SMC2: variants seen among roughly 807,000 people sequenced by gnomAD.
SMC2 encodes the protein structural maintenance of chromosomes 2.
In SMC2, 41 loss-of-function variants were observed where a neutral mutation model predicts 142.6. The ratio of observed to expected loss-of-function variants is 0.29; its 90% CI spans 0.22 to 0.37. The LOEUF is 0.37. Among genes scored for constraint, SMC2 ranks in the 10% least tolerant of loss-of-function variants. The pLI, the probability that SMC2 is intolerant of heterozygous loss-of-function variation, is 1.00. For missense variants in SMC2, 1,265 were observed against 1,373.7 expected (o/e 0.92, Z 1.25); for synonymous variants, 463 against 457.5 (o/e 1.01, Z -0.15).
chr9:104,101,994 T>C lies in SMC2; in HGVS notation c.671T>C (p.Met224Thr), dbSNP rs1442881154. Residue 224 changes from methionine to threonine, a missense_variant, in exon 8 of 25, where the codon ATG becomes ACG. This residue lies in a region of SMC2 where 898 missense variants were observed against 904.2 expected (regional missense o/e 0.99). Transcript: ENST00000374793. Reference protein sequence around the residue: ...RSSYLEYQKVMREIEHLSRLY... With the variant: ...RSSYLEYQKVTREIEHLSRLY... Reference sequence around the variant, plus strand: ...TCCTACTTGGAGTACCAAAAAGTAATGAGAGAAATAGAACATTTGAGTCGT... The same window carrying C: ...TCCTACTTGGAGTACCAAAAAGTAACGAGAGAAATAGAACATTTGAGTCGT... The C allele has an allele frequency of 1.2e-6, 2 of 1,607,502 alleles. No individual in the cohort carries two copies. The highest frequency in any genetic ancestry group is 8.5e-7 in the Non-Finnish European group (1 of 1,177,636).
chr9:104,129,911 A>G, intron 21 of SMC2, 66 bp downstream of exon 21: 6 of 1,147,542 alleles, frequency 5.2e-6, no homozygotes, highest in Non-Finnish European at 7.8e-6. Context: ...GCTCTGTATG[A>G]CCTCTGATGC....
At chr9:104,127,596 C>T in intron 20 of SMC2, 116 bp downstream of exon 20, 1 of 639,078 alleles carries the variant, frequency 1.6e-6, no homozygotes, top group African/African-American at 1.9e-5. Context: ...AAAATTACAG[C>T]CTGGCATAAA....
At chr9:104,131,546 C>CTA (rs1349281765) in intron 21 of SMC2, among the ~76,000 whole-genome samples, 3 of 151,670 alleles carry the variant, frequency 2.0e-5, no homozygotes, top group African/African-American at 7.3e-5. Flanking sequence ...TATGTGGTTC[C>CTA]TATATATCAT....
chr9:104,124,628 T>G (rs1256584971), intron 17 of SMC2, among the ~76,000 whole-genome samples: 1 of 151,096 alleles, frequency 6.6e-6, no homozygotes. Context: ...CTGTGATTTT[T>G]TTTTTTTTAA....
chr9:104,129,715 C>G lies in SMC2; in HGVS notation c.2861C>G (p.Ala954Gly). The G allele has an allele frequency of 1.2e-6, 2 of 1,613,762 alleles. No individual in the cohort carries two copies. The highest frequency in any genetic ancestry group is 1.7e-6 in the Non-Finnish European group (2 of 1,179,814). ...CACCTCTTTGGCCAACCCAATAGTG[C>G]CTATGATTTCAAAACTAACAACCCT... ...ERHLFGQPNS[A>G]YDFKTNNPKE... is the part of the protein sequence containing the mutation. The change falls in exon 21 of 25, where the codon GCC (alanine) becomes GGC (glycine). Residue 954 changes from alanine (A) to glycine (G), a missense_variant. By Grantham distance (60) the Ala-to-Gly change is moderately conservative (BLOSUM62 0). Coordinates refer to ENST00000374793, the MANE Select transcript of SMC2 (RefSeq NM_006444.3).
Position 104,114,794 on chromosome 9 carries a change from G to A in SMC2, c.1636G>A (p.Gly546Arg). The A allele has an allele frequency of 1.2e-6, 2 of 1,613,190 alleles. No homozygotes were observed. The highest frequency in any genetic ancestry group is 1.1e-5 in the South Asian group (1 of 90,972). Residue 546 changes from glycine (G) to arginine (R), a missense_variant, in exon 13 of 25, where the codon GGA (glycine) becomes AGA (arginine). Around this residue, in one of 4 missense-constraint regions of SMC2, gnomAD observed 898 missense variants for 904.2 expected, o/e 0.99. Coordinates refer to ENST00000374793, the MANE Select transcript of SMC2 (RefSeq NM_006444.3). ...SATTALELVA[G>R]ERLYNVVVDT... is the part of the protein sequence containing the mutation. Reference sequence around the variant, plus strand: ...AACCACAGCTTTAGAATTAGTGGCTGGAGAACGACTCTACAATGTTGTAGT... The same window carrying A: ...AACCACAGCTTTAGAATTAGTGGCTAGAGAACGACTCTACAATGTTGTAGT...
intron 16 of SMC2, among the ~76,000 whole-genome samples, chr9:104,122,106 CAG>C (rs989333065): frequency 6.6e-6 from 1 of 152,172 alleles, no homozygotes; most frequent in Admixed American, 6.5e-5. Context: ...AAGAGTAGAA[CAG>C]AATTTTTCTG....
chr9:104,118,334 T>A lies in SMC2; in HGVS notation c.1955T>A (p.Leu652His). The change falls in exon 15 of 25, where the codon CTC becomes CAC. Residue 652 changes from leucine to histidine, a missense_variant. Transcript: ENST00000374793. ...DKRIMTRTVT[L>H]GGDVFDPHGT... ...AGGATAATGACTAGAACTGTAACTC[T>A]CGGAGGTGATGTGTTTGATCCTCAT... The A allele has an allele frequency of 6.2e-7, 1 of 1,613,698 alleles. No individual in the cohort carries two copies. The highest frequency in any genetic ancestry group is 8.5e-7 in the Non-Finnish European group (1 of 1,179,682).
chr9:104,118,600 A>C (rs1193216380), intron 15 of SMC2, among the ~76,000 whole-genome samples: 1 of 152,168 alleles, frequency 6.6e-6, no homozygotes, highest in African/African-American at 2.4e-5. Flanking sequence ...GACAGTGATC[A>C]TATTCTTCTT....
At chr9:104,134,614 C>G in intron 23 of SMC2, 39 bp downstream of exon 23, 2 of 791,384 alleles carry the variant, frequency 2.5e-6, no homozygotes, top group South Asian at 4.3e-5. Context: ...TTTCATTCCT[C>G]TTTATTATAA....
At chr9:104,126,123 T>G (rs1834239625) in intron 18 of SMC2, among the ~76,000 whole-genome samples, 1 of 152,146 alleles carries the variant, frequency 6.6e-6, no homozygotes, top group Non-Finnish European at 1.5e-5. Context: ...TATGAGAATC[T>G]AATGCGTGAT....
chr9:104,123,403 T>C, intron 17 of SMC2, 171 bp downstream of exon 17: 1 of 485,398 alleles, frequency 2.1e-6, no homozygotes, highest in Non-Finnish European at 3.4e-6. Flanking sequence ...TTCATCTTTA[T>C]TGTATATCGT....
chr9:104,139,084 A>T lies in SMC2; in HGVS notation c.3418-55A>T, dbSNP rs889576042. 11 of 1,248,358 alleles carry T rather than the reference A, an allele frequency of 8.8e-6. No individual in the cohort carries two copies. The Admixed American group carries it at 2.6e-4, about 29-fold the overall frequency. 77.3% of individuals were successfully genotyped at this position (1,248,358 alleles called of 1,614,324 possible). On this transcript the variant is annotated intron_variant, in intron 24 of 24. Transcript: ENST00000374793. ...ATTCTTATCACCAGTATAAAGGAGT[A>T]AACTTCAAGTATATCACAAAAAGTT...
At position 104,139,519 on chromosome 9, in the gene SMC2, G is replaced by A. The variant is rs1835889286; in HGVS notation, c.*204G>A. On this transcript the variant is annotated 3_prime_UTR_variant, in exon 25 of 25. Transcript: ENST00000374793. ...GTCTAATTATGGTCCAATTATTGTG[G>A]TTGTGATTTTATGCATATCATCAAA... 1 of 413,642 alleles carries A rather than the reference G, an allele frequency of 2.4e-6. No individual in the cohort carries two copies. Among genetic ancestry groups the A allele is most frequent in the Non-Finnish European group, 4.2e-6 (1 of 235,964 alleles). The allele number at this position is 413,642 out of a possible 1,614,324, so 25.6% of individuals were successfully genotyped here. A position where few individuals can be genotyped will look rare whatever the true frequency, so the allele number is the denominator to read the frequency against.
At chr9:104,093,194 A>T (rs1029068306), upstream of SMC2, 1 of 152,168 alleles carries the variant, frequency 6.6e-6, no homozygotes, top group Non-Finnish European at 1.5e-5. Flanking sequence ...CATCTTTTTG[A>T]ACCTCACTTA....
rs767096568 is a variant in SMC2 at position 104,129,754 on chromosome 9, A to G, written c.2900A>G (p.Gln967Arg). 1.2e-6 allele frequency: 2 copies of G among 1,614,040 alleles called. No individual in the cohort carries two copies. Among genetic ancestry groups the G allele is most frequent in the Non-Finnish European group, 1.7e-6 (2 of 1,179,936 alleles). The change falls in exon 21 of 25, where the codon CAG becomes CGG. Residue 967 changes from glutamine to arginine, a missense_variant. Transcript: ENST00000374793. ...ACTAACAACCCTAAAGAAGCTGGTC[A>G]GAGACTTCAGAAGTTGCAAGAAATG... is the stretch of plus-strand genomic sequence containing the variant. Reference protein sequence around the residue: ...FKTNNPKEAGQRLQKLQEMKE... With the variant: ...FKTNNPKEAGRRLQKLQEMKE...
At chr9:104,113,243 A>C in intron 10 of SMC2, 73 bp from the exon 11 acceptor site, 1 of 1,162,418 alleles carries the variant, frequency 8.6e-7, no homozygotes. Context: ...AACCAATCTG[A>C]ATCTTCGGCC....
upstream of SMC2, chr9:104,092,688 T>C (rs1025229001): frequency 1.3e-5 from 2 of 152,218 alleles, no homozygotes; most frequent in Non-Finnish European, 2.9e-5. Context: ...AAAGGAATCC[T>C]TTCTTAAACA....
Position 104,129,803 on chromosome 9 carries a change from C to A in SMC2, c.2949C>A (p.Val983=). ...QEMKEKLGRN[V]NMRAMNVLTE... Reference sequence around the variant, plus strand: ...TGAAGGAGAAACTAGGAAGAAATGTCAATATGAGAGCTATGAATGTATTGA... The same window carrying A: ...TGAAGGAGAAACTAGGAAGAAATGTAAATATGAGAGCTATGAATGTATTGA... Residue 983 remains valine, a synonymous_variant, in exon 21 of 25, where the codon GTC becomes GTA. Transcript: ENST00000374793. The A allele has an allele frequency of 6.2e-7, 1 of 1,613,698 alleles. No individual in the cohort carries two copies. Among genetic ancestry groups the A allele is most frequent in the South Asian group, 1.1e-5 (1 of 91,032 alleles).
Sources: allele counts gnomAD v4.1 joint callset (sites outside exome capture counted in the v4.1 genomes callset), GRCh38; gene constraint gnomAD v4.1.1; regional missense constraint gnomAD v4.1.1; transcripts MANE v1.5; gene names NCBI Gene and HGNC (gene_info 2026-07-23, HGNC 2026-07-21).